MYO5B: variants seen among roughly 807,000 people sequenced by gnomAD.
The protein encoded by MYO5B is unconventional myosin-Vb.
A neutral mutation model predicts 229.3 loss-of-function variants in MYO5B; 143 were observed. The observed-to-expected ratio is 0.62, with a 90% confidence interval of 0.54 to 0.72. The LOEUF (loss-of-function observed/expected upper bound fraction) is 0.72. MYO5B is among the 30% of genes least tolerant of loss of function. The probability of loss-of-function intolerance (pLI) is 0.00; values close to 1 mark genes in which losing one functional copy is unlikely to be tolerated. For missense variants in MYO5B, 2,321 were observed against 2,331.0 expected, an observed-to-expected ratio of 1.00 and a Z score of 0.09; for synonymous variants, 918 against 885.2, an observed-to-expected ratio of 1.04 and a Z score of -0.66.
chr18:49,984,005 T>C (rs972000880), intron 8 of MYO5B, among the ~76,000 whole-genome samples: 6 of 152,240 alleles, frequency 3.9e-5, no homozygotes, highest in Admixed American at 6.5e-5. Flanking sequence ...AGCACCATCT[T>C]GCGCCACTTG....
chr18:50,104,265 GATATATAT>G (rs3075606), intron 1 of MYO5B, among the ~76,000 whole-genome samples: 5,620 of 134,550 alleles, frequency 0.042, 146 homozygotes, highest in African/African-American at 0.057. Context: ...ATCTATACAT[GATATATAT>G]ATATATATAT....
At chr18:50,026,717 G>C (rs561065318) in intron 4 of MYO5B, among the ~76,000 whole-genome samples, 1 of 152,214 alleles carries the variant, frequency 6.6e-6, no homozygotes, top group Non-Finnish European at 1.5e-5. Context: ...TGTGCCATCA[G>C]TACTATCACC....
chr18:50,155,504 A>T (rs1362257051), intron 1 of MYO5B, among the ~76,000 whole-genome samples: 1 of 152,218 alleles, frequency 6.6e-6, no homozygotes, highest in Admixed American at 6.5e-5. Context: ...TAAGGATTGA[A>T]CAACCATCAC....
At chr18:49,929,454 C>T in intron 17 of MYO5B, 58 bp downstream of exon 17, 1 of 1,464,464 alleles carries the variant, frequency 6.8e-7, no homozygotes. Flanking sequence ...CCCTGGGGAA[C>T]CAAACTCTGG....
intron 1 of MYO5B, among the ~76,000 whole-genome samples, chr18:50,154,313 G>A (rs967345913): frequency 2.6e-5 from 4 of 152,122 alleles, no homozygotes; most frequent in Admixed American, 6.5e-5. Context: ...ACCCAAAAAA[G>A]TCAATGACAA....
chr18:49,853,397 C>A, intron 31 of MYO5B, 52 bp downstream of exon 31: 20 of 1,601,996 alleles, frequency 1.2e-5, no homozygotes, highest in Admixed American at 5.0e-5. Flanking sequence ...ATCCCATTTG[C>A]TTCTAGAACG....
chr18:50,175,863 C>T (rs1447605092), intron 1 of MYO5B, among the ~76,000 whole-genome samples: 1 of 152,260 alleles, frequency 6.6e-6, no homozygotes, highest in Admixed American at 6.5e-5. Context: ...GTTCAACTGA[C>T]CACGTGCCCC....
chr18:49,936,911 C>G (rs1598895286), intron 15 of MYO5B, among the ~76,000 whole-genome samples: 1 of 152,294 alleles, frequency 6.6e-6, no homozygotes, highest in East Asian at 1.9e-4. Flanking sequence ...TCCTGATCCA[C>G]AGCTTCCTTA....
At chr18:50,055,233 T>TCCCCCCCCCCCCCCCTC in intron 2 of MYO5B, 35 bp downstream of exon 2, 1 of 279,048 alleles carries the variant, frequency 3.6e-6, no homozygotes, top group Non-Finnish European at 7.2e-6. Context: ...CTGCCCCACC[T>TCCCCCCCCCCCCCCCTC]CACCCCCGCC....
chr18:50,122,010 G>A (rs2032065493), intron 1 of MYO5B, among the ~76,000 whole-genome samples: 1 of 152,228 alleles, frequency 6.6e-6, no homozygotes, highest in South Asian at 2.1e-4. Flanking sequence ...GAGGCTTGCA[G>A]TCAAATAGGC....
chr18:49,847,092 G>C (rs2024137933), intron 33 of MYO5B, 54 bp downstream of exon 33: 26 of 1,610,030 alleles, frequency 1.6e-5, no homozygotes, highest in South Asian at 2.2e-5. Context: ...ATGGAGATGG[G>C]AGCGGGGGCT....
At position 49,949,817 on chromosome 18, in the gene MYO5B, G is replaced by C. The variant is rs147318586; in HGVS notation, c.1752+3443C>G. Among the ~76,000 whole-genome samples the C allele has an allele frequency of 6.2e-3, 944 of 152,174 alleles. 9 individuals carry two copies. The highest frequency in any genetic ancestry group is 0.021 in the African/African-American group (885 of 41,508). On this transcript the variant is annotated intron_variant, in intron 14 of 39. Coordinates refer to ENST00000285039, the MANE Select transcript of MYO5B (RefSeq NM_001080467.3). ...GACATAGAAACTTGTATCTTTCTAG[G>C]TTTTCATTTTTCTTTAATATGGAGT...
At chr18:49,849,436 G>A (rs2024171584) in intron 32 of MYO5B, 131 bp downstream of exon 32, 2 of 792,538 alleles carry the variant, frequency 2.5e-6, no homozygotes. Flanking sequence ...TCGCCTGGCT[G>A]GACTGGGCAG....
intron 14 of MYO5B, among the ~76,000 whole-genome samples, chr18:49,945,344 C>T (rs1387792854): frequency 1.3e-5 from 2 of 152,200 alleles, no homozygotes; most frequent in Non-Finnish European, 2.9e-5. Flanking sequence ...ACAGCCCAAA[C>T]CACCTTCACC....
chr18:50,180,205 AG>A (rs1162389736), intron 1 of MYO5B, among the ~76,000 whole-genome samples: 1 of 152,186 alleles, frequency 6.6e-6, no homozygotes, highest in Non-Finnish European at 1.5e-5. Flanking sequence ...GTGATTCAGC[AG>A]ACAGAGCTCC....
At position 49,984,795 on chromosome 18, in the gene MYO5B, T is replaced by C. The variant is rs1318990685; in HGVS notation, c.869A>G (p.Gln290Arg). ...TSAEDFFYTS[Q>R]GGDTSIEGVD... ...ACCCTCGATGGAAGTGTCTCCTCCC[T>C]GTGATGTATAGAAAAAGTCCTCTGC... The change falls in exon 8 of 40, where the codon CAG becomes CGG. Residue 290 changes from glutamine (Q) to arginine (R), a missense_variant. Gln to Arg is a conservative substitution (Grantham distance 43). This residue lies in a region of MYO5B where 2,113 missense variants were observed against 2,044.7 expected (regional missense o/e 1.03). Transcript: ENST00000285039. 6.2e-7 allele frequency: 1 copy of C among 1,613,696 alleles called. No individual in the cohort carries two copies. The highest frequency in any genetic ancestry group is 8.5e-7 in the Non-Finnish European group (1 of 1,179,614).
At chr18:50,169,962 T>C (rs2032902969) in intron 1 of MYO5B, among the ~76,000 whole-genome samples, 1 of 127,066 alleles carries the variant, frequency 7.9e-6, no homozygotes, top group Non-Finnish European at 1.7e-5. Context: ...TACTGTAGTA[T>C]GGAATAAAAT....
intron 1 of MYO5B, among the ~76,000 whole-genome samples, chr18:50,153,474 T>C (rs1568126590): frequency 6.6e-6 from 1 of 152,114 alleles, no homozygotes; most frequent in Non-Finnish European, 1.5e-5. Flanking sequence ...TTTTTTGAGA[T>C]GGAGTCTTGC....
In MYO5B at chr18:50,030,876, G is replaced by GAAAAAAAAAAAAAAAAAAAAAAAAAAAA. The variant is rs869189090; in HGVS notation, c.455+5946_455+5973dup. On this transcript the variant is annotated intron_variant, in intron 4 of 39. Transcript: ENST00000285039. Reference sequence around the variant, plus strand: ...TCTGCAGCATCCCCACTCCCTTTCAGAAAAAAAAAAAAAAAAAAAAAAAAA... The same window carrying GAAAAAAAAAAAAAAAAAAAAAAAAAAAA: ...TCTGCAGCATCCCCACTCCCTTTCAGAAAAAAAAAAAAAAAAAAAAAAAAAAAAAAAAAAAAAAAAAAAAAAAAAAAAA... 2.3e-4 allele frequency among the ~76,000 whole-genome samples: 7 copies of GAAAAAAAAAAAAAAAAAAAAAAAAAAAA among 30,500 alleles called. 1 individual carries two copies. The highest frequency in any genetic ancestry group is 2.9e-4 in the Non-Finnish European group (5 of 17,216). The allele number at this position is 30,500 out of a possible 152,430, so 20.0% of individuals were successfully genotyped here.
Sources: gnomAD v4.1 joint callset for allele counts (sites outside exome capture counted in the v4.1 genomes callset) on GRCh38, gnomAD v4.1.1 for gene constraint, gnomAD v4.1.1 regional missense constraint, MANE v1.5 for transcripts, NCBI Gene and HGNC (gene_info 2026-07-23, HGNC 2026-07-21) for gene names.